The following FSTL5 variants were observed in gnomAD, a reference collection of about 807,000 sequenced individuals.
FSTL5 encodes follistatin like 5.
Under a neutral mutation model 89.1 loss-of-function variants are expected in FSTL5, and 62 were observed. The observed-to-expected ratio is 0.70, with a 90% CI of 0.57 to 0.86. The LOEUF is 0.86. Among genes scored for constraint, FSTL5 ranks in the 40% least tolerant of loss-of-function variants. The pLI is 0.00. For synonymous variants in FSTL5, 383 were observed against 346.2 expected, an observed-to-expected ratio of 1.11 and a Z score of -1.18; for missense variants, 1,057 against 1,001.6, an observed-to-expected ratio of 1.06 and a Z score of -0.75.
At chr4:161,673,833 A>G (rs995416236) in intron 6 of FSTL5, among the ~76,000 whole-genome samples, 2 of 151,978 alleles carry the variant, frequency 1.3e-5, no homozygotes, top group African/African-American at 2.4e-5. Flanking sequence ...AGTAATACAA[A>G]TGCTTAAAAT....
rs764409024 is a variant in FSTL5 at position 161,510,449 on chromosome 4, A to C, written c.1313-25T>G. On this transcript the variant is annotated intron_variant, in intron 10 of 15. Transcript: ENST00000306100. Reference sequence around the variant, plus strand: ...ACTGCAGCATGTTGAAAGAAAAAGAAGAAAAAGAAAAATGAGTAAAGAGAG... The same window carrying C: ...ACTGCAGCATGTTGAAAGAAAAAGACGAAAAAGAAAAATGAGTAAAGAGAG... The C allele has an allele frequency of 2.8e-6, 4 of 1,436,672 alleles. No individual in the cohort carries two copies. In the Admixed American group the frequency reaches 9.7e-5, roughly 35 times the overall value. The allele number at this position is 1,436,672 out of a possible 1,614,324, so 89.0% of individuals were successfully genotyped here.
At chr4:161,510,146 A>G (rs186553170) in intron 11 of FSTL5, among the ~76,000 whole-genome samples, 1 of 152,120 alleles carries the variant, frequency 6.6e-6, no homozygotes, top group Non-Finnish European at 1.5e-5. Context: ...CTTTGGTGTA[A>G]TTTCATACTT....
At chr4:162,091,195 T>G (rs969833708) in intron 2 of FSTL5, among the ~76,000 whole-genome samples, 2 of 152,146 alleles carry the variant, frequency 1.3e-5, no homozygotes, top group African/African-American at 4.8e-5. Context: ...AAGACCAGAT[T>G]GAGGATCATC....
At chr4:162,070,088 A>C (rs1729546426) in intron 2 of FSTL5, among the ~76,000 whole-genome samples, 1 of 151,662 alleles carries the variant, frequency 6.6e-6, no homozygotes, top group Non-Finnish European at 1.5e-5. Context: ...TGGGTGAGGT[A>C]ATATCTCATG....
At chr4:162,085,389 C>A (rs1730273618) in intron 2 of FSTL5, among the ~76,000 whole-genome samples, 1 of 151,910 alleles carries the variant, frequency 6.6e-6, no homozygotes, top group Non-Finnish European at 1.5e-5. Context: ...ACTTAACAAT[C>A]AGGAGATTTT....
chr4:161,834,851 C>G (rs1730979757), intron 4 of FSTL5, among the ~76,000 whole-genome samples: 1 of 151,946 alleles, frequency 6.6e-6, no homozygotes, highest in Non-Finnish European at 1.5e-5. Context: ...TAGGAAGAAT[C>G]AATATCATGA....
At chr4:162,080,084 C>A (rs1375641453) in intron 2 of FSTL5, among the ~76,000 whole-genome samples, 1 of 151,504 alleles carries the variant, frequency 6.6e-6, no homozygotes. Context: ...TTTTGTGCTA[C>A]TTCACATGAG....
At chr4:161,756,404 T>TAA (rs1270546032) in intron 6 of FSTL5, among the ~76,000 whole-genome samples, 94 of 152,254 alleles carry the variant, frequency 6.2e-4, no homozygotes, top group African/African-American at 2.3e-3. Flanking sequence ...AAATTCATTG[T>TAA]ATTTACTACA....
At chr4:161,851,314 A>G (rs1345606515) in intron 4 of FSTL5, among the ~76,000 whole-genome samples, 1 of 152,152 alleles carries the variant, frequency 6.6e-6, no homozygotes, top group Non-Finnish European at 1.5e-5. Context: ...TTTACAACAT[A>G]TATCTAAATG....
At chr4:161,422,093 T>C (rs1732010714) in intron 15 of FSTL5, among the ~76,000 whole-genome samples, 1 of 147,410 alleles carries the variant, frequency 6.8e-6, no homozygotes, top group South Asian at 2.2e-4. Flanking sequence ...TATGAAGAGA[T>C]TTATTATGTA....
chr4:161,750,561 A>C (rs1189381045), intron 6 of FSTL5, among the ~76,000 whole-genome samples: 1 of 152,160 alleles, frequency 6.6e-6, no homozygotes, highest in Admixed American at 6.5e-5. Context: ...TTTTTTGTTT[A>C]TATTATGTTT....
chr4:161,996,215 G>A (rs886198064), intron 3 of FSTL5, among the ~76,000 whole-genome samples: 4 of 152,198 alleles, frequency 2.6e-5, no homozygotes, highest in African/African-American at 7.2e-5. Flanking sequence ...TTCTGCACAT[G>A]GCAAAGCCCC....
rs375636514 is a variant in FSTL5, at chr4:161,542,495, T to A, written c.1177+37A>T. 4 of 1,308,608 alleles carry A rather than the reference T, an allele frequency of 3.1e-6. No individual in the cohort carries two copies. The African/African-American group carries it at 6.1e-5, about 20-fold the overall frequency. 81.1% of individuals were successfully genotyped at this position (1,308,608 alleles called of 1,614,324 possible). ...TAAATTTTAGTATAAATTTTCAACA[T>A]GGTCATTTAAGAGAAAAAAAAGCAA... On this transcript the variant is annotated intron_variant, in intron 9 of 15. Transcript: ENST00000306100.
intron 7 of FSTL5, among the ~76,000 whole-genome samples, chr4:161,647,180 G>A (rs1212212475): frequency 2.0e-5 from 3 of 152,078 alleles, no homozygotes; most frequent in Non-Finnish European, 4.4e-5. Context: ...TTTTGTATAA[G>A]GTGTAAGACA....
At chr4:161,914,213 A>C (rs1004190503) in intron 4 of FSTL5, among the ~76,000 whole-genome samples, 1 of 152,170 alleles carries the variant, frequency 6.6e-6, no homozygotes, top group Non-Finnish European at 1.5e-5. Flanking sequence ...CATGACTAGT[A>C]GTGGAATATC....
chr4:161,923,931 A>C (rs1431909802), intron 3 of FSTL5, among the ~76,000 whole-genome samples: 1 of 151,808 alleles, frequency 6.6e-6, no homozygotes, highest in Non-Finnish European at 1.5e-5. Flanking sequence ...ATTCATATGC[A>C]ATCCAAAGAA....
At chr4:161,942,214 T>G (rs1734607783) in intron 3 of FSTL5, among the ~76,000 whole-genome samples, 1 of 151,384 alleles carries the variant, frequency 6.6e-6, no homozygotes, top group Admixed American at 6.6e-5. Context: ...ACTATACACC[T>G]TAAGAAACTA....
At chr4:161,674,381 A>G (rs1737226637) in intron 6 of FSTL5, among the ~76,000 whole-genome samples, 1 of 152,164 alleles carries the variant, frequency 6.6e-6, no homozygotes, top group African/African-American at 2.4e-5. Flanking sequence ...GTACAGAATA[A>G]AAGACGGAAA....
intron 2 of FSTL5, among the ~76,000 whole-genome samples, chr4:162,079,050 T>C (rs149870097): frequency 1.5e-3 from 226 of 151,860 alleles, no homozygotes; most frequent in African/African-American, 5.2e-3. Context: ...ACGATCCAGA[T>C]GAAAGTTATA....
Sources: gnomAD v4.1 joint callset for allele counts (sites outside exome capture counted in the v4.1 genomes callset) on GRCh38, gnomAD v4.1.1 for gene constraint, MANE v1.5 for transcripts, NCBI Gene and HGNC (gene_info 2026-07-23, HGNC 2026-07-21) for gene names.